Variants in AASS observed in about 807,000 individuals in gnomAD.
AASS encodes the protein alpha-aminoadipic semialdehyde synthase, mitochondrial.
AASS carries 86 observed loss-of-function variants against 105.4 expected under a neutral mutation model. The ratio of observed to expected loss-of-function variants is 0.82; its 90% confidence interval spans 0.69 to 0.98. AASS has a LOEUF of 0.98. AASS is among the 50% of genes least tolerant of loss of function. The pLI is 0.00. For missense variants in AASS, 1,048 were observed against 1,143.2 expected (o/e 0.92, Z 1.20); for synonymous variants, 381 against 394.8 (o/e 0.96, Z 0.41).
chr7:122,086,204 A>G, intron 18 of AASS, 25 bp from the exon 19 acceptor site: 2 of 1,611,884 alleles, frequency 1.2e-6, no homozygotes, highest in Non-Finnish European at 1.7e-6. Flanking sequence ...GAAGGCACAC[A>G]TGGGGTTACA....
intron 1 of AASS, among the ~76,000 whole-genome samples, chr7:122,135,823 C>T (rs963267407): frequency 6.6e-6 from 1 of 151,952 alleles, no homozygotes; most frequent in Non-Finnish European, 1.5e-5. Context: ...ATTAAAGTGA[C>T]ACTAGTAAAC....
intron 1 of AASS, among the ~76,000 whole-genome samples, chr7:122,137,422 A>G (rs1796197639): frequency 6.6e-6 from 1 of 152,172 alleles, no homozygotes; most frequent in Admixed American, 6.5e-5. Context: ...TCAGATCCAT[A>G]TGGCTTTGCC....
chr7:122,114,610 A>G (rs1795081738), intron 9 of AASS, among the ~76,000 whole-genome samples: 2 of 152,208 alleles, frequency 1.3e-5, no homozygotes, highest in South Asian at 4.1e-4. Context: ...GAGAAAATAA[A>G]TGAGGAATTT....
Position 122,113,182 on chromosome 7 carries a change from G to A in AASS, c.1214C>T (p.Ala405Val), listed in dbSNP as rs762262413. 1 of 1,614,038 alleles carries A rather than the reference G, an allele frequency of 6.2e-7. No individual in the cohort carries two copies. Among genetic ancestry groups the A allele is most frequent in the South Asian group, 1.1e-5 (1 of 91,076 alleles). ...ILMCSIDNLP[A>V]QLPIEATECF... is the part of the protein sequence containing the mutation. ...TTCTGTAGCTTCAATTGGGAGCTGTGCCGGCAAATTGTCAATGGAACACAT... is the reference window on the plus strand; with the variant it reads ...TTCTGTAGCTTCAATTGGGAGCTGTACCGGCAAATTGTCAATGGAACACAT... The change falls in exon 11 of 24, where the codon GCA becomes GTA. Residue 405 changes from alanine to valine, a missense_variant. Transcript: ENST00000417368.
chr7:122,143,561 C>T lies in AASS; in HGVS notation c.-16+600G>A, dbSNP rs564946535. Among the ~76,000 whole-genome samples the T allele has an allele frequency of 7.9e-5, 12 of 151,638 alleles. No homozygotes were observed. The South Asian group carries it at 2.6e-3, about 32-fold the overall frequency. On this transcript the variant is annotated intron_variant, in intron 1 of 23. Transcript: ENST00000417368. ...AAACCCAGACTTGCAAGGCGCCCAA[C>T]TTCCACCCATCTCCGATCCTTGCTG...
intron 1 of AASS, among the ~76,000 whole-genome samples, chr7:122,140,877 TAA>T (rs543836575): frequency 1.3e-4 from 16 of 126,866 alleles, no homozygotes; most frequent in Non-Finnish European, 1.2e-4. Flanking sequence ...TCCAAGTAAC[TAA>T]AAAAAAAAAA....
chr7:122,120,689 A>T (rs1028628963), intron 4 of AASS, among the ~76,000 whole-genome samples: 2 of 152,034 alleles, frequency 1.3e-5, no homozygotes, highest in African/African-American at 4.8e-5. Context: ...AAAGAATTAA[A>T]TGCTGTAAAT....
intron 11 of AASS, among the ~76,000 whole-genome samples, chr7:122,111,323 G>A (rs758841130): frequency 1.2e-4 from 18 of 151,912 alleles, no homozygotes; most frequent in Admixed American, 8.5e-4. Context: ...ATAGAACATC[G>A]GAAATTAAAA....
intron 15 of AASS, among the ~76,000 whole-genome samples, 189 bp from the exon 16 acceptor site, chr7:122,093,347 T>C (rs1013465052): frequency 6.6e-6 from 1 of 152,222 alleles, no homozygotes; most frequent in African/African-American, 2.4e-5. Context: ...AGTTCAGAGA[T>C]TTCTCAAAGA....
At chr7:122,113,062 CTCAATTAT>C in intron 11 of AASS, 48 bp downstream of exon 11, 1 of 1,375,352 alleles carries the variant, frequency 7.3e-7, no homozygotes, top group South Asian at 1.2e-5. Flanking sequence ...CACAGAATTA[CTCAATTAT>C]TCAATTTAAA....
chr7:122,124,571 C>T (rs960938341), intron 4 of AASS, among the ~76,000 whole-genome samples: 1 of 152,226 alleles, frequency 6.6e-6, no homozygotes, highest in Non-Finnish European at 1.5e-5. Context: ...GTGTGAGCCA[C>T]CGCACCCAGT....
At chr7:122,123,209 T>C (rs1460456364) in intron 4 of AASS, among the ~76,000 whole-genome samples, 1 of 152,184 alleles carries the variant, frequency 6.6e-6, no homozygotes, top group Non-Finnish European at 1.5e-5. Context: ...GCATAGCTCC[T>C]CACTGTTTGG....
At chr7:122,140,117 C>T (rs1237317298) in intron 1 of AASS, among the ~76,000 whole-genome samples, 1 of 151,974 alleles carries the variant, frequency 6.6e-6, no homozygotes, top group South Asian at 2.1e-4. Context: ...TAGCACCAAC[C>T]CAATCAGAAT....
At chr7:122,102,856 T>C (rs1057011611) in intron 11 of AASS, among the ~76,000 whole-genome samples, 10 of 150,888 alleles carry the variant, frequency 6.6e-5, no homozygotes, top group Non-Finnish European at 1.3e-4. Context: ...AAACCAAAAA[T>C]AAATAAATAT....
chr7:122,077,476 C>A (rs1370028847), intron 23 of AASS, among the ~76,000 whole-genome samples: 3 of 152,084 alleles, frequency 2.0e-5, no homozygotes, highest in East Asian at 1.9e-4. Context: ...CCCTGGGGAC[C>A]CCTCTATGAG....
chr7:122,076,965 C>T lies in AASS; in HGVS notation c.2663-358G>A, dbSNP rs12539675. On this transcript the variant is annotated intron_variant, in intron 23 of 23. Transcript: ENST00000417368. ...TAATGTCATTTTTTTTTAAAAAAGGCAAGACACCAACAGAATGAGTTGTAA... is the reference window on the plus strand; with the variant it reads ...TAATGTCATTTTTTTTTAAAAAAGGTAAGACACCAACAGAATGAGTTGTAA... Among the ~76,000 whole-genome samples the T allele has an allele frequency of 6.3e-3, 964 of 152,118 alleles. 19 individuals carry two copies. Among genetic ancestry groups the T allele is most frequent in the African/African-American group, 0.022 (898 of 41,504 alleles).
At chr7:122,077,590 G>A (rs917599884) in intron 23 of AASS, among the ~76,000 whole-genome samples, 5 of 152,188 alleles carry the variant, frequency 3.3e-5, no homozygotes, top group African/African-American at 9.7e-5. Context: ...AAGGTGCTGA[G>A]TAACTTGCAG....
At chr7:122,130,287 C>A (rs529035828) in intron 2 of AASS, among the ~76,000 whole-genome samples, 213 of 151,882 alleles carry the variant, frequency 1.4e-3, no homozygotes, top group Non-Finnish European at 2.4e-3. Context: ...ATGGCAAACA[C>A]AAGATGGTAA....
chr7:122,108,579 T>C (rs188739574), intron 11 of AASS, among the ~76,000 whole-genome samples: 81 of 152,180 alleles, frequency 5.3e-4, no homozygotes, highest in Non-Finnish European at 1.0e-3. Context: ...AACCATATGA[T>C]TATTCCAACA....
Sources: gnomAD v4.1 joint callset for allele counts (sites outside exome capture counted in the v4.1 genomes callset) on GRCh38, gnomAD v4.1.1 for gene constraint, MANE v1.5 for transcripts, NCBI Gene and HGNC (gene_info 2026-07-23, HGNC 2026-07-21) for gene names.